The following DNASE2B variants were observed in gnomAD, a reference collection of about 807,000 sequenced individuals.
The protein encoded by DNASE2B is deoxyribonuclease-2-beta.
Under a neutral mutation model 46.0 loss-of-function variants are expected in DNASE2B, and 43 were observed. The ratio of observed to expected loss-of-function variants is 0.94; its 90% confidence interval spans 0.73 to 1.21. The LOEUF (loss-of-function observed/expected upper bound fraction) is 1.21. DNASE2B is among the 50% of genes most tolerant of loss of function. The pLI is 0.00. For synonymous variants in DNASE2B, 156 were observed against 152.5 expected (o/e 1.02, Z -0.17); for missense variants, 395 against 414.4 (o/e 0.95, Z 0.41).
At chr1:84,413,018 C>T (rs1388982018) in intron 5 of DNASE2B, among the ~76,000 whole-genome samples, 2 of 149,624 alleles carry the variant, frequency 1.3e-5, no homozygotes, top group African/African-American at 5.0e-5. Flanking sequence ...TTCTCCCACC[C>T]CCAAAGAAGT....
intron 1 of DNASE2B, among the ~76,000 whole-genome samples, chr1:84,400,104 C>T (rs1032405394): frequency 3.3e-5 from 5 of 152,142 alleles, no homozygotes; most frequent in African/African-American, 1.2e-4. Context: ...CGTGGTGGCT[C>T]ACGCCTGTAA....
intron 5 of DNASE2B, among the ~76,000 whole-genome samples, chr1:84,413,557 C>CTTCTAAG (rs1680639987): frequency 6.6e-6 from 1 of 152,196 alleles, no homozygotes; most frequent in Non-Finnish European, 1.5e-5. Context: ...CTTTCTCCCA[C>CTTCTAAG]TTCTAAGTTT....
intron 5 of DNASE2B, 102 bp downstream of exon 5, chr1:84,412,648 GA>G: frequency 1.1e-5 from 13 of 1,156,950 alleles, no homozygotes; most frequent in South Asian, 2.2e-5. Flanking sequence ...AAAGAGAGAT[GA>G]AAAAAGGGAG....
chr1:84,413,964 C>G (rs1337145928), intron 5 of DNASE2B, among the ~76,000 whole-genome samples: 1 of 152,204 alleles, frequency 6.6e-6, no homozygotes, highest in Admixed American at 6.5e-5. Context: ...TCTCCAAACT[C>G]TTTGCCACTG....
chr1:84,403,804 T>C (rs1680457334), intron 2 of DNASE2B, among the ~76,000 whole-genome samples: 6 of 152,068 alleles, frequency 3.9e-5, no homozygotes, highest in Admixed American at 3.9e-4. Context: ...TTTTTTTCTT[T>C]TGAGACAGGA....
At chr1:84,401,812 T>C (rs1680424074) in intron 1 of DNASE2B, 89 bp from the exon 2 acceptor site, 1 of 1,014,062 alleles carries the variant, frequency 9.9e-7, no homozygotes, top group African/African-American at 1.7e-5. Context: ...GAAACAGAAA[T>C]GAGAGATATA....
rs148415965 is a variant in DNASE2B at position 84,402,834 on chromosome 1, T to C, written c.303+756T>C. Among the ~76,000 whole-genome samples, 1,380 of 152,326 alleles carry C rather than the reference T, an allele frequency of 9.1e-3. 14 individuals carry two copies. The highest frequency in any genetic ancestry group is 0.031 in the African/African-American group (1,278 of 41,566). ...GTATGCATTTCCTAACAATAACTTA[T>C]AGACAAGTAAATATATAACATGACT... On this transcript the variant is annotated intron_variant, in intron 2 of 5. Coordinates refer to ENST00000370665, the MANE Select transcript of DNASE2B (RefSeq NM_021233.3).
In DNASE2B at chr1:84,401,954, G is replaced by T; in HGVS notation, c.179G>T (p.Gly60Val). The T allele has an allele frequency of 3.1e-6, 5 of 1,589,096 alleles. No individual in the cohort carries two copies. The highest frequency in any genetic ancestry group is 4.3e-6 in the Non-Finnish European group (5 of 1,170,962). The change falls in exon 2 of 6, where the codon GGG becomes GTG. Residue 60 changes from glycine (G) to valine (V), a missense_variant. Gly to Val is a moderately radical substitution (Grantham distance 109). Transcript: ENST00000370665. ...KRQNKESGET[G>V]LEYLYLDSTT... ...CAAAACAAGGAAAGTGGAGAGACTG[G>T]GTTAGAGTACCTGTACCTAGACTCT...
chr1:84,401,202 A>G (rs915455807), intron 1 of DNASE2B, among the ~76,000 whole-genome samples: 3 of 152,194 alleles, frequency 2.0e-5, no homozygotes, highest in Non-Finnish European at 4.4e-5. Flanking sequence ...TGCTACTGGC[A>G]TCTAATAGGT....
chr1:84,401,042 G>A (rs1229102413), intron 1 of DNASE2B, among the ~76,000 whole-genome samples: 1 of 152,124 alleles, frequency 6.6e-6, no homozygotes, highest in Non-Finnish European at 1.5e-5. Flanking sequence ...TATAATGTTT[G>A]GTGCACTGTG....
At chr1:84,399,760 G>A (rs1680374322) in intron 1 of DNASE2B, among the ~76,000 whole-genome samples, 1 of 152,144 alleles carries the variant, frequency 6.6e-6, no homozygotes, top group Admixed American at 6.5e-5. Flanking sequence ...GAGAGGTGGG[G>A]ACAGCCAAGG....
At chr1:84,410,307 C>T (rs1680566090) in intron 3 of DNASE2B, among the ~76,000 whole-genome samples, 1 of 152,092 alleles carries the variant, frequency 6.6e-6, no homozygotes, top group Non-Finnish European at 1.5e-5. Flanking sequence ...TCCTTTTTGT[C>T]TCTTTGCTTC....
chr1:84,403,585 G>T (rs554879669), intron 2 of DNASE2B, among the ~76,000 whole-genome samples: 2 of 151,582 alleles, frequency 1.3e-5, no homozygotes, highest in South Asian at 4.2e-4. Flanking sequence ...TGGGAGAGGT[G>T]GGGAAGGTGG....
intron 3 of DNASE2B, 71 bp downstream of exon 3, chr1:84,408,589 A>C: frequency 7.3e-7 from 1 of 1,363,174 alleles, no homozygotes; most frequent in South Asian, 1.3e-5. Context: ...CATCTTGAGT[A>C]TCCTTATATT....
chr1:84,401,782 T>C (rs1380043923), intron 1 of DNASE2B, 119 bp from the exon 2 acceptor site: 16 of 748,256 alleles, frequency 2.1e-5, no homozygotes, highest in Non-Finnish European at 3.2e-5. Flanking sequence ...AGCAAATCCC[T>C]TTCCTTAGAG....
In DNASE2B at chr1:84,410,838, G is replaced by T; in HGVS notation, c.386G>T (p.Gly129Val). The change falls in exon 4 of 6, where the codon GGT becomes GTT. Residue 129 changes from glycine to valine, a missense_variant and splice_region_variant. Physicochemically the swap from Gly to Val is moderately radical, Grantham distance 109. Coordinates refer to ENST00000370665, the MANE Select transcript of DNASE2B (RefSeq NM_021233.3). ...TCTTTGTTAAATGTGTCTTTGGTAG[G>T]TTTACTGCTGTGGAACAGAGTTCAA... ...NYSRKYGHTK[G>V]LLLWNRVQGF... is the part of the protein sequence containing the mutation. 2 of 1,611,686 alleles carry T rather than the reference G, an allele frequency of 1.2e-6. No homozygotes were observed. Among genetic ancestry groups the T allele is most frequent in the Non-Finnish European group, 1.7e-6 (2 of 1,179,208 alleles).
chr1:84,405,306 T>A (rs142253837), intron 2 of DNASE2B, among the ~76,000 whole-genome samples: 1 of 152,358 alleles, frequency 6.6e-6, no homozygotes. Context: ...AAAAGCTGCA[T>A]TTTAATTTTA....
At chr1:84,398,932 A>G (rs1680353230) in intron 1 of DNASE2B, among the ~76,000 whole-genome samples, 1 of 152,236 alleles carries the variant, frequency 6.6e-6, no homozygotes. Context: ...TCAGCGGGGC[A>G]AGGCTGGTAG....
chr1:84,411,115 T>C (rs1680583954), intron 4 of DNASE2B, 116 bp downstream of exon 4: 1 of 1,228,512 alleles, frequency 8.1e-7, no homozygotes. Flanking sequence ...CTCTGATACC[T>C]AGATTCTAAT....
Sources: allele counts gnomAD v4.1 joint callset (sites outside exome capture counted in the v4.1 genomes callset), GRCh38; gene constraint gnomAD v4.1.1; transcripts MANE v1.5; gene names NCBI Gene and HGNC (gene_info 2026-07-23, HGNC 2026-07-21).